CDH13: variants seen among roughly 807,000 people sequenced by gnomAD.
CDH13 encodes the protein cadherin 13.
In CDH13, 24 loss-of-function variants were observed where a neutral mutation model predicts 63.8. The observed-to-expected ratio is 0.38, with a 90% CI of 0.27 to 0.53. CDH13 has a LOEUF of 0.53. CDH13 is among the 20% of genes least tolerant of loss of function. The pLI is 0.85. For missense variants in CDH13, 1,049 were observed against 903.1 expected, an observed-to-expected ratio of 1.16 and a Z score of -2.07; for synonymous variants, 503 against 355.3, an observed-to-expected ratio of 1.42 and a Z score of -4.67.
At chr16:83,564,999 C>G (rs1661739770) in intron 7 of CDH13, among the ~76,000 whole-genome samples, 1 of 152,162 alleles carries the variant, frequency 6.6e-6, no homozygotes, top group African/African-American at 2.4e-5. Flanking sequence ...AAATACCAAA[C>G]AGGACCCCCA....
intron 10 of CDH13, among the ~76,000 whole-genome samples, chr16:83,715,708 C>A (rs923800727): frequency 1.3e-5 from 2 of 152,150 alleles, no homozygotes; most frequent in Non-Finnish European, 2.9e-5. Context: ...ATGCTCGGTG[C>A]CAACTGTCAG....
chr16:82,863,275 C>T (rs1332290746), intron 2 of CDH13, among the ~76,000 whole-genome samples: 1 of 152,194 alleles, frequency 6.6e-6, no homozygotes, highest in African/African-American at 2.4e-5. Context: ...CGACTATGTC[C>T]TGCTTTCCTT....
intron 4 of CDH13, among the ~76,000 whole-genome samples, chr16:83,151,959 G>GGAAAAGAAAAAAAAGAAAAT (rs1395576479): frequency 6.7e-6 from 1 of 149,892 alleles, no homozygotes; most frequent in Non-Finnish European, 1.5e-5. Context: ...AAAAAGAAAA[G>GGAAAAGAAAAAAAAGAAAAT]GAAAAGAAAA....
At chr16:82,819,337 GA>G (rs2151092123) in intron 1 of CDH13, among the ~76,000 whole-genome samples, 1 of 152,340 alleles carries the variant, frequency 6.6e-6, no homozygotes, top group Non-Finnish European at 1.5e-5. Flanking sequence ...CAGGGACAGT[GA>G]CACAGATTCT....
intron 5 of CDH13, among the ~76,000 whole-genome samples, chr16:83,244,805 G>T (rs531738282): frequency 6.6e-6 from 1 of 152,246 alleles, no homozygotes; most frequent in East Asian, 1.9e-4. Context: ...GTGACAACGA[G>T]TATAAAATGC....
At chr16:82,674,536 T>C (rs1273651636) in intron 1 of CDH13, among the ~76,000 whole-genome samples, 4 of 152,212 alleles carry the variant, frequency 2.6e-5, no homozygotes, top group African/African-American at 7.2e-5. Flanking sequence ...GAGTTGAAAA[T>C]GTCTTCATCC....
At position 83,620,780 on chromosome 16, in the gene CDH13, A is replaced by G. The variant is rs976251050; in HGVS notation, c.1101+18186A>G. 2.8e-4 allele frequency among the ~76,000 whole-genome samples: 42 copies of G among 152,160 alleles called. 1 individual carries two copies. Among genetic ancestry groups the G allele is most frequent in the Non-Finnish European group, 2.1e-4 (14 of 68,024 alleles). ...TACATGGTAAGAGTCTGGCCTCTGC[A>G]TCTGCTTTTCCCTTGCAAACTCAAA... On this transcript the variant is annotated intron_variant, in intron 8 of 13. Coordinates refer to ENST00000567109, the MANE Select transcript of CDH13 (RefSeq NM_001257.5).
intron 5 of CDH13, among the ~76,000 whole-genome samples, chr16:83,255,536 A>G (rs530542396): frequency 6.6e-6 from 1 of 152,306 alleles, no homozygotes; most frequent in Non-Finnish European, 1.5e-5. Context: ...CGTGTCCCGC[A>G]GACTTGATTA....
intron 5 of CDH13, among the ~76,000 whole-genome samples, chr16:83,281,830 T>A (rs1446045957): frequency 6.6e-6 from 1 of 151,920 alleles, no homozygotes; most frequent in African/African-American, 2.4e-5. Context: ...GGAGAATTGC[T>A]TGAACCCAAG....
chr16:82,634,806 C>T (rs546966060), intron 1 of CDH13, among the ~76,000 whole-genome samples: 8 of 152,302 alleles, frequency 5.3e-5, no homozygotes, highest in Admixed American at 5.2e-4. Context: ...GGGACTTTTC[C>T]TCCTAGGCCC....
intron 6 of CDH13, among the ~76,000 whole-genome samples, chr16:83,408,612 G>C (rs930958032): frequency 6.6e-6 from 1 of 152,128 alleles, no homozygotes; most frequent in Non-Finnish European, 1.5e-5. Context: ...AATCTAATGA[G>C]ACAACTTTCC....
At chr16:83,175,159 G>A (rs2038076185) in intron 4 of CDH13, among the ~76,000 whole-genome samples, 1 of 151,998 alleles carries the variant, frequency 6.6e-6, no homozygotes, top group African/African-American at 2.4e-5. Context: ...AAGCTCTCTT[G>A]GACAGCCCTA....
intron 7 of CDH13, among the ~76,000 whole-genome samples, chr16:83,549,968 C>A (rs974237973): frequency 6.6e-6 from 1 of 152,126 alleles, no homozygotes; most frequent in Non-Finnish European, 1.5e-5. Flanking sequence ...CAATCTGGAT[C>A]GTTCATATAG....
intron 9 of CDH13, among the ~76,000 whole-genome samples, chr16:83,673,025 A>G (rs183324183): frequency 6.6e-6 from 1 of 152,338 alleles, no homozygotes; most frequent in East Asian, 1.9e-4. Flanking sequence ...GCTTTTATGT[A>G]CTTCGTGCAT....
chr16:82,940,586 C>T (rs150825138), intron 2 of CDH13, among the ~76,000 whole-genome samples: 4 of 152,306 alleles, frequency 2.6e-5, no homozygotes, highest in Non-Finnish European at 5.9e-5. Context: ...ATTCTTCTTA[C>T]CTGCTTCACC....
At chr16:83,262,057 C>T (rs1907060807) in intron 5 of CDH13, among the ~76,000 whole-genome samples, 1 of 152,174 alleles carries the variant, frequency 6.6e-6, no homozygotes, top group African/African-American at 2.4e-5. Context: ...CACGCTGGCA[C>T]ACTGAGAAGT....
chr16:83,431,568 A>G (rs1009583017), intron 6 of CDH13, among the ~76,000 whole-genome samples: 1 of 152,168 alleles, frequency 6.6e-6, no homozygotes, highest in African/African-American at 2.4e-5. Flanking sequence ...ACAGTTCTGC[A>G]GGCTGTACAG....
chr16:82,795,564 A>T (rs1370390735), intron 1 of CDH13, among the ~76,000 whole-genome samples: 1 of 152,132 alleles, frequency 6.6e-6, no homozygotes, highest in South Asian at 2.1e-4. Flanking sequence ...ATTACATACT[A>T]TATTATCCCC....
At chr16:82,773,757 T>C (rs1052174225) in intron 1 of CDH13, among the ~76,000 whole-genome samples, 5 of 152,114 alleles carry the variant, frequency 3.3e-5, no homozygotes, top group African/African-American at 1.2e-4. Context: ...TTTTTCTTAA[T>C]TTATCTGTGA....
Sources: gnomAD v4.1 joint callset for allele counts (sites outside exome capture counted in the v4.1 genomes callset) on GRCh38, gnomAD v4.1.1 for gene constraint, MANE v1.5 for transcripts, NCBI Gene and HGNC (gene_info 2026-07-23, HGNC 2026-07-21) for gene names.